RAD51B: variants seen among roughly 807,000 people sequenced by gnomAD.
The protein encoded by RAD51B is DNA repair protein RAD51 homolog 2.
Under a neutral mutation model 42.2 loss-of-function variants are expected in RAD51B, and 38 were observed. That is an observed-to-expected ratio of 0.90 (90% CI 0.70 to 1.18). RAD51B has a LOEUF of 1.18. Ranked by LOEUF, RAD51B falls within the 50% of genes most tolerant of loss-of-function variation. RAD51B has a pLI of 0.00. For synonymous variants in RAD51B, 154 were observed against 145.2 expected (o/e 1.06, Z -0.43); for missense variants, 373 against 400.7 (o/e 0.93, Z 0.59).
intron 10 of RAD51B, among the ~76,000 whole-genome samples, chr14:68,517,900 A>C (rs1886273052): frequency 6.6e-6 from 1 of 152,206 alleles, no homozygotes; most frequent in Non-Finnish European, 1.5e-5. Context: ...TGAATAAATA[A>C]GGTACATAAG....
intron 7 of RAD51B, among the ~76,000 whole-genome samples, chr14:68,059,691 T>C (rs1014986015): frequency 6.6e-6 from 1 of 152,236 alleles, no homozygotes; most frequent in South Asian, 2.1e-4. Context: ...AATAATGTAT[T>C]TTGAGATATT....
At chr14:68,452,687 A>G (rs2085586633) in intron 9 of RAD51B, among the ~76,000 whole-genome samples, 1 of 152,190 alleles carries the variant, frequency 6.6e-6, no homozygotes, top group Admixed American at 6.5e-5. Flanking sequence ...TCCCCATAAG[A>G]TTCTCTCATC....
intron 9 of RAD51B, among the ~76,000 whole-genome samples, chr14:68,413,763 A>T (rs1452550795): frequency 1.3e-5 from 2 of 152,166 alleles, no homozygotes; most frequent in Non-Finnish European, 2.9e-5. Context: ...CTTTTCTGGG[A>T]TATGTGCATA....
At chr14:67,884,563 A>G (rs769972380) in intron 5 of RAD51B, among the ~76,000 whole-genome samples, 11 of 152,176 alleles carry the variant, frequency 7.2e-5, no homozygotes, top group Non-Finnish European at 1.5e-5. Context: ...TTTTCCCCCA[A>G]ACCCTCAGGA....
intron 7 of RAD51B, among the ~76,000 whole-genome samples, chr14:68,225,324 G>T (rs2080015422): frequency 6.6e-6 from 1 of 152,076 alleles, no homozygotes; most frequent in African/African-American, 2.4e-5. Context: ...GTCTTATCTG[G>T]ATTCTTATTA....
chr14:68,459,750 C>T (rs1273682546), intron 9 of RAD51B, among the ~76,000 whole-genome samples: 1 of 152,216 alleles, frequency 6.6e-6, no homozygotes, highest in African/African-American at 2.4e-5. Flanking sequence ...CTTTGCTGAA[C>T]GTATTACATT....
chr14:68,538,276 CAG>C (rs966252101), intron 10 of RAD51B, among the ~76,000 whole-genome samples: 84 of 152,264 alleles, frequency 5.5e-4, no homozygotes, highest in Admixed American at 4.1e-3. Context: ...TTTGAGGAAT[CAG>C]GGGATAGACA....
At chr14:68,486,291 T>C (rs2140273100) in intron 10 of RAD51B, among the ~76,000 whole-genome samples, 1 of 152,314 alleles carries the variant, frequency 6.6e-6, no homozygotes, top group Middle Eastern at 3.4e-3. Flanking sequence ...CCTGCTACTG[T>C]GGGGTTCTAG....
intron 7 of RAD51B, among the ~76,000 whole-genome samples, chr14:68,049,213 G>A (rs538937011): frequency 1.3e-5 from 2 of 152,132 alleles, no homozygotes; most frequent in East Asian, 1.9e-4. Flanking sequence ...GTTGTGGGGT[G>A]GGGGGAGCGG....
chr14:68,026,845 G>A (rs914978248), intron 7 of RAD51B, among the ~76,000 whole-genome samples: 2 of 152,056 alleles, frequency 1.3e-5, no homozygotes, highest in Admixed American at 6.5e-5. Flanking sequence ...TTACATTCAC[G>A]GTTAGTATTG....
chr14:68,330,365 C>G (rs1196207865), intron 8 of RAD51B, among the ~76,000 whole-genome samples: 1 of 152,180 alleles, frequency 6.6e-6, no homozygotes, highest in Non-Finnish European at 1.5e-5. Flanking sequence ...TTTCCCCCTT[C>G]CACTGAGTAT....
intron 9 of RAD51B, among the ~76,000 whole-genome samples, chr14:68,430,627 A>G (rs978635958): frequency 6.6e-6 from 1 of 152,228 alleles, no homozygotes; most frequent in African/African-American, 2.4e-5. Flanking sequence ...GAAGTTGCTT[A>G]TCAGCTTAAG....
At chr14:68,663,510 C>A (rs1014303098) in intron 11 of RAD51B, among the ~76,000 whole-genome samples, 10 of 152,194 alleles carry the variant, frequency 6.6e-5, no homozygotes, top group Admixed American at 4.6e-4. Context: ...AGGCTCCCCC[C>A]GCTGCTAGCC....
chr14:68,173,596 A>G (rs1324189246), intron 7 of RAD51B, among the ~76,000 whole-genome samples: 1 of 152,144 alleles, frequency 6.6e-6, no homozygotes, highest in Non-Finnish European at 1.5e-5. Context: ...AATATGAGTA[A>G]TTTTGTGGAA....
At chr14:67,973,901 T>G (rs1291657295) in intron 7 of RAD51B, among the ~76,000 whole-genome samples, 1 of 152,176 alleles carries the variant, frequency 6.6e-6, no homozygotes, top group African/African-American at 2.4e-5. Flanking sequence ...CTCATTTTCT[T>G]ATTTCTTATG....
chr14:68,434,070 C>T (rs971844775), intron 9 of RAD51B, among the ~76,000 whole-genome samples: 1 of 152,230 alleles, frequency 6.6e-6, no homozygotes, highest in African/African-American at 2.4e-5. Context: ...TATTGCTAAA[C>T]AGCAAATGTT....
intron 7 of RAD51B, among the ~76,000 whole-genome samples, chr14:67,988,276 T>G (rs1566559076): frequency 6.6e-6 from 1 of 151,982 alleles, no homozygotes; most frequent in Non-Finnish European, 1.5e-5. Flanking sequence ...CTGGCCAACA[T>G]AGTGAAAGCC....
chr14:67,830,355 A>C (rs1052705842), intron 3 of RAD51B, among the ~76,000 whole-genome samples: 1 of 152,186 alleles, frequency 6.6e-6, no homozygotes, highest in African/African-American at 2.4e-5. Flanking sequence ...TATATTATTA[A>C]TGCAGAGGTT....
chr14:68,040,778 C>G (rs1321628354), intron 7 of RAD51B, among the ~76,000 whole-genome samples: 2 of 152,158 alleles, frequency 1.3e-5, no homozygotes, highest in Non-Finnish European at 2.9e-5. Flanking sequence ...AGAGAATCAC[C>G]CGGGAGCTTT....
Sources: gnomAD v4.1 joint callset for allele counts (sites outside exome capture counted in the v4.1 genomes callset) on GRCh38, gnomAD v4.1.1 for gene constraint, MANE v1.5 for transcripts, NCBI Gene and HGNC (gene_info 2026-07-23, HGNC 2026-07-21) for gene names.